Variants in BOLL observed in about 807,000 individuals in gnomAD.
BOLL encodes protein boule-like.
A neutral mutation model predicts 44.4 loss-of-function variants in BOLL; 23 were observed. That is an observed-to-expected ratio of 0.52 (90% CI 0.37 to 0.73). The LOEUF (loss-of-function observed/expected upper bound fraction) is 0.73, where lower values mean the gene tolerates loss of function less well. BOLL is among the 30% of genes least tolerant of loss of function. The probability of loss-of-function intolerance (pLI) is 0.00; values close to 1 mark genes in which losing one functional copy is unlikely to be tolerated. For synonymous variants in BOLL, 97 were observed against 110.8 expected, an observed-to-expected ratio of 0.88 and a Z score of 0.78; for missense variants, 287 against 338.3, an observed-to-expected ratio of 0.85 and a Z score of 1.19.
At chr2:197,784,397 T>TAC (rs1689950093) in intron 1 of BOLL, among the ~76,000 whole-genome samples, 20 of 950 alleles carry the variant, frequency 0.021, no homozygotes, top group African/African-American at 0.031. Context: ...AATACATATA[T>TAC]ATATATATAT....
intron 9 of BOLL, among the ~76,000 whole-genome samples, chr2:197,745,800 G>A (rs1261062627): frequency 6.6e-6 from 1 of 152,148 alleles, no homozygotes; most frequent in African/African-American, 2.4e-5. Context: ...AAAGGATGAC[G>A]ATTTCCCAAG....
chr2:197,735,154 T>A (rs532229434), intron 10 of BOLL, among the ~76,000 whole-genome samples: 1 of 152,192 alleles, frequency 6.6e-6, no homozygotes, highest in East Asian at 1.9e-4. Context: ...GGAAATGTGA[T>A]CTATTTTCTC....
intron 6 of BOLL, among the ~76,000 whole-genome samples, chr2:197,768,810 C>T (rs1689108253): frequency 6.8e-6 from 1 of 148,132 alleles, no homozygotes; most frequent in South Asian, 2.2e-4. Context: ...TCATAAATAG[C>T]TCTTATTATT....
At chr2:197,733,775 C>T (rs1396530304) in intron 10 of BOLL, among the ~76,000 whole-genome samples, 1 of 152,162 alleles carries the variant, frequency 6.6e-6, no homozygotes, top group Non-Finnish European at 1.5e-5. Context: ...AAAGCTGAAA[C>T]TGGATCCCTT....
chr2:197,756,363 G>C (rs1439792743), intron 9 of BOLL, 65 bp downstream of exon 9: 4 of 1,377,660 alleles, frequency 2.9e-6, no homozygotes, highest in Non-Finnish European at 3.8e-6. Context: ...ATTTAAAAAA[G>C]AGAAAAAGAA....
chr2:197,737,696 C>A (rs1163659098), intron 10 of BOLL, among the ~76,000 whole-genome samples: 1 of 152,010 alleles, frequency 6.6e-6, no homozygotes, highest in Admixed American at 6.6e-5. Flanking sequence ...GAAAAAAATA[C>A]TGGTAGTGGA....
chr2:197,747,254 A>C (rs1688027682), intron 9 of BOLL, among the ~76,000 whole-genome samples: 1 of 152,056 alleles, frequency 6.6e-6, no homozygotes, highest in Non-Finnish European at 1.5e-5. Context: ...AATTTAGTAA[A>C]GCTGAGGATA....
intron 10 of BOLL, among the ~76,000 whole-genome samples, chr2:197,741,496 G>A (rs1687730284): frequency 1.3e-5 from 2 of 152,244 alleles, no homozygotes; most frequent in Non-Finnish European, 2.9e-5. Flanking sequence ...AGAGCCCTCA[G>A]AAATAATGCC....
Position 197,771,850 on chromosome 2 carries a change from C to A in BOLL, c.480+5G>T. ...GGAAATCCTTTTTTAAATGAAATTA[C>A]TTACAGGCCAAGGCGGTGGGACCGA... On this transcript the variant is annotated splice_donor_5th_base_variant and intron_variant, in intron 6 of 10. Transcript: ENST00000392296. 1 of 1,558,612 alleles carries A rather than the reference C, an allele frequency of 6.4e-7. No homozygotes were observed. Among genetic ancestry groups the A allele is most frequent in the Non-Finnish European group, 8.6e-7 (1 of 1,157,316 alleles).
At chr2:197,759,494 G>A (rs1480571776) in intron 7 of BOLL, among the ~76,000 whole-genome samples, 2 of 152,018 alleles carry the variant, frequency 1.3e-5, no homozygotes, top group Admixed American at 6.5e-5. Context: ...CTGCTACAGC[G>A]TGACAGCATC....
At chr2:197,759,676 G>A (rs760032392) in intron 7 of BOLL, among the ~76,000 whole-genome samples, 34 of 152,170 alleles carry the variant, frequency 2.2e-4, no homozygotes, top group East Asian at 3.9e-4. Context: ...GGAAACCAAC[G>A]TCTGTTGCCC....
chr2:197,756,343 T>C, intron 9 of BOLL, 85 bp downstream of exon 9: 1 of 1,245,072 alleles, frequency 8.0e-7, no homozygotes, highest in Non-Finnish European at 1.1e-6. Flanking sequence ...TCAATGAGGG[T>C]CGTGAACAAA....
chr2:197,756,871 G>A (rs1688539595), intron 8 of BOLL, among the ~76,000 whole-genome samples: 1 of 152,054 alleles, frequency 6.6e-6, no homozygotes, highest in Non-Finnish European at 1.5e-5. Context: ...GTGATCTATG[G>A]TATTTAAATT....
chr2:197,784,387 AATACATATATATATAT>A (rs1239177266), intron 1 of BOLL, among the ~76,000 whole-genome samples: 3 of 94,450 alleles, frequency 3.2e-5, no homozygotes, highest in African/African-American at 4.7e-5. Context: ...ACAGCAGTCT[AATACATATATATATAT>A]ATATATATAT....
At chr2:197,740,974 G>C (rs185255021) in intron 10 of BOLL, among the ~76,000 whole-genome samples, 129 of 152,152 alleles carry the variant, frequency 8.5e-4, no homozygotes, top group African/African-American at 3.0e-3. Context: ...GCTCTTTTTT[G>C]GTTCCATATG....
upstream of BOLL, among the ~76,000 whole-genome samples, chr2:197,785,512 C>T (rs535249665): frequency 3.9e-5 from 6 of 152,266 alleles, no homozygotes; most frequent in Non-Finnish European, 8.8e-5. This position sits in a 1 kb window ranked among gnomAD's most constrained non-coding sequence, Gnocchi z 6.7. Flanking sequence ...CAGGCGGGCC[C>T]TGCCAGGTCT....
intron 6 of BOLL, among the ~76,000 whole-genome samples, chr2:197,769,642 C>A (rs1230582834): frequency 6.6e-6 from 1 of 152,142 alleles, no homozygotes; most frequent in Non-Finnish European, 1.5e-5. Context: ...TGATAAGCAA[C>A]TTCAGCAAAG....
intron 9 of BOLL, among the ~76,000 whole-genome samples, chr2:197,746,607 T>C (rs1448888063): frequency 6.6e-6 from 1 of 152,080 alleles, no homozygotes; most frequent in African/African-American, 2.4e-5. Flanking sequence ...GTCGAACTCA[T>C]AGAAGCAGAG....
At chr2:197,728,735 AT>A (rs5837554) in intron 10 of BOLL, among the ~76,000 whole-genome samples, 157 bp from the exon 11 acceptor site, 109,699 of 152,074 alleles carry the variant, frequency 0.72, 40,666 homozygotes, top group African/African-American at 0.9. Flanking sequence ...GAGGCTAGCA[AT>A]TTAGGAGGGC....
Sources: gnomAD v4.1 joint callset for allele counts (sites outside exome capture counted in the v4.1 genomes callset) on GRCh38, gnomAD v4.1.1 for gene constraint, Gnocchi (gnomAD v3.1) non-coding constraint, MANE v1.5 for transcripts, NCBI Gene and HGNC (gene_info 2026-07-23, HGNC 2026-07-21) for gene names.